Variants in BRIP1 observed in about 807,000 individuals in gnomAD.
BRIP1 encodes Fanconi anemia group J protein.
BRIP1 carries 88 observed loss-of-function variants against 119.7 expected under a neutral mutation model. That is an observed-to-expected ratio of 0.74 (90% CI 0.62 to 0.88). The LOEUF (loss-of-function observed/expected upper bound fraction) is 0.88, where lower values mean the gene tolerates loss of function less well. Among genes scored for constraint, BRIP1 ranks in the 40% least tolerant of loss-of-function variants. The pLI is 0.00. For missense variants in BRIP1, 1,259 were observed against 1,455.4 expected (o/e 0.87, Z 2.20); for synonymous variants, 443 against 496.5 (o/e 0.89, Z 1.43).
chr17:61,709,295 T>C lies in BRIP1; in HGVS notation c.2492+6656A>G, dbSNP rs1453454998. Among the ~76,000 whole-genome samples the C allele has an allele frequency of 6.6e-6, 1 of 152,204 alleles. No individual in the cohort carries two copies. Among genetic ancestry groups the C allele is most frequent in the Non-Finnish European group, 1.5e-5 (1 of 68,030 alleles). ...TTGATATCGCTTGTCTGTCACTGTC[T>C]CCTCTCTCTCTTTGTAATATTGTAG... is the stretch of plus-strand genomic sequence containing the variant. On this transcript the variant is annotated intron_variant, in intron 17 of 19. Transcript: ENST00000259008. This position sits in a 1 kb window ranked among gnomAD's most constrained non-coding sequence, Gnocchi z 5.0.
In BRIP1 at chr17:61,708,671, T is replaced by C. The variant is rs1482437327; in HGVS notation, c.2492+7280A>G. ...CTGTTTTTCATGTTACAGACTTTCT[T>C]TGACAATCTGGTGAAGACTCTGCAC... On this transcript the variant is annotated intron_variant, in intron 17 of 19. Coordinates refer to ENST00000259008, the MANE Select transcript of BRIP1 (RefSeq NM_032043.3). This position sits in a 1 kb window ranked among gnomAD's most constrained non-coding sequence, Gnocchi z 4.4. Among the ~76,000 whole-genome samples the C allele has an allele frequency of 6.6e-6, 1 of 152,222 alleles. No individual in the cohort carries two copies. Among genetic ancestry groups the C allele is most frequent in the Non-Finnish European group, 1.5e-5 (1 of 68,046 alleles).
At chr17:61,715,885 G>T in intron 17 of BRIP1, 66 bp downstream of exon 17, 1 of 1,059,680 alleles carries the variant, frequency 9.4e-7, no homozygotes, top group Non-Finnish European at 1.4e-6. Flanking sequence ...GAGTAAAGTA[G>T]CAAGACTAGA....
chr17:61,787,089 GT>G (rs1305349678), intron 10 of BRIP1, among the ~76,000 whole-genome samples: 4 of 108,326 alleles, frequency 3.7e-5, no homozygotes, highest in African/African-American at 1.5e-4. Context: ...TATATTGCAT[GT>G]TTATGTATTA....
intron 5 of BRIP1, 110 bp downstream of exon 5, chr17:61,849,019 G>A: frequency 8.6e-7 from 1 of 1,160,440 alleles, no homozygotes; most frequent in South Asian, 1.3e-5. Flanking sequence ...TTAATTTATG[G>A]CTGTCACATG....
At chr17:61,797,496 T>C (rs2145282090) in intron 9 of BRIP1, among the ~76,000 whole-genome samples, 1 of 152,024 alleles carries the variant, frequency 6.6e-6, no homozygotes, top group East Asian at 1.9e-4. Context: ...CGTAGAATTG[T>C]CCAGAGAGCA....
chr17:61,786,902 A>C, intron 10 of BRIP1, among the ~76,000 whole-genome samples: 1 of 90,392 alleles, frequency 1.1e-5, no homozygotes, highest in Non-Finnish European at 2.0e-5. Flanking sequence ...TATTTTATAT[A>C]TAATGTAAAT....
At chr17:61,801,185 G>A (rs2077984437) in intron 8 of BRIP1, 68 bp downstream of exon 8, 2 of 1,437,752 alleles carry the variant, frequency 1.4e-6, no homozygotes, top group African/African-American at 1.4e-5. Flanking sequence ...ACATCTAAAA[G>A]CTTTTACATT....
intron 3 of BRIP1, 41 bp downstream of exon 3, chr17:61,859,755 G>A: frequency 7.9e-7 from 1 of 1,273,470 alleles, no homozygotes; most frequent in Non-Finnish European, 1.2e-6. Context: ...TATTTTCTCA[G>A]ATCCCAGTAA....
rs2061616424 is a variant in BRIP1 at position 61,701,666 on chromosome 17, G to C, written c.2493-8154C>G. On this transcript the variant is annotated intron_variant, in intron 17 of 19. Transcript: ENST00000259008. The surrounding 1 kb of genome is among the most constrained non-coding windows in gnomAD (Gnocchi z 5.1). ...CCAGGAATATGTCAGAACTTTAAAA[G>C]CTCTCTATGGACATTGCATTCCTCA... Among the ~76,000 whole-genome samples the C allele has an allele frequency of 6.6e-6, 1 of 152,156 alleles. No individual in the cohort carries two copies. Among genetic ancestry groups the C allele is most frequent in the African/African-American group, 2.4e-5 (1 of 41,428 alleles).
rs1603343235 is a variant in BRIP1, at chr17:61,801,337, A to ATATG, written c.1052_1055dup (p.Tyr353IlefsTer12). The stretch of plus-strand genomic sequence containing the variant: ...CTTGTATTAGTTCTCGGGCTGTGTA[A>ATATG]TATGGACAGGCCTTTAGTTTCTTCC... On this transcript the variant is annotated frameshift_variant, in exon 8 of 20. Coordinates refer to ENST00000259008, the MANE Select transcript of BRIP1 (RefSeq NM_032043.3). LOFTEE classifies it high-confidence loss of function. 6.2e-7 allele frequency: 1 copy of ATATG among 1,614,070 alleles called. No homozygotes were observed. Among genetic ancestry groups the ATATG allele is most frequent in the Non-Finnish European group, 8.5e-7 (1 of 1,179,956 alleles).
chr17:61,775,326 T>C lies in BRIP1; in HGVS notation c.2097+1075A>G, dbSNP rs1017544001. On this transcript the variant is annotated intron_variant, in intron 14 of 19. Coordinates refer to ENST00000259008, the MANE Select transcript of BRIP1 (RefSeq NM_032043.3). The surrounding 1 kb of genome is among the most constrained non-coding windows in gnomAD (Gnocchi z 4.4). Reference sequence around the variant, plus strand: ...GTTTTTGAAAACAAATCCTTTAATTTATCTACAAGAGACTAATTGCTTTAG... The same window carrying C: ...GTTTTTGAAAACAAATCCTTTAATTCATCTACAAGAGACTAATTGCTTTAG... Among the ~76,000 whole-genome samples the C allele has an allele frequency of 3.3e-5, 5 of 152,206 alleles. No individual in the cohort carries two copies. Among genetic ancestry groups the C allele is most frequent in the African/African-American group, 1.2e-4 (5 of 41,464 alleles).
Position 61,693,444 on chromosome 17 carries a change from C to T in BRIP1, c.2561G>A (p.Ser854Asn), listed in dbSNP as rs2061477133. The change falls in exon 18 of 20, where the codon AGT (serine) becomes AAT (asparagine). Residue 854 changes from serine (S) to asparagine (N), a missense_variant. Transcript: ENST00000259008. The surrounding 1 kb of genome is among the most constrained non-coding windows in gnomAD (Gnocchi z 4.2). ...TGAGATCTTACCAGATATATAGCGA[C>T]TTGGGTTATTCCTAAAGCGATCATC... ...LVDDRFRNNP[S>N]RYISGLSKWV... is the part of the protein sequence containing the mutation. 1 of 1,613,262 alleles carries T rather than the reference C, an allele frequency of 6.2e-7. No homozygotes were observed. Among genetic ancestry groups the T allele is most frequent in the Non-Finnish European group, 8.5e-7 (1 of 1,179,288 alleles).
At chr17:61,792,450 T>G (rs1694759169) in intron 10 of BRIP1, among the ~76,000 whole-genome samples, 4 of 152,206 alleles carry the variant, frequency 2.6e-5, no homozygotes, top group Admixed American at 2.0e-4. Flanking sequence ...ATGGATAAAC[T>G]GTGGTACATC....
At position 61,779,375 on chromosome 17, in the gene BRIP1, G is replaced by A. The variant is rs377487761; in HGVS notation, c.1935+886C>T. Among the ~76,000 whole-genome samples, 110 of 152,232 alleles carry A rather than the reference G, an allele frequency of 7.2e-4. 2 individuals are homozygous for A. In the South Asian group the frequency reaches 0.023, roughly 31 times the overall value. On this transcript the variant is annotated intron_variant, in intron 13 of 19. Coordinates refer to ENST00000259008, the MANE Select transcript of BRIP1 (RefSeq NM_032043.3). ...GTGGACTGCCTGAGCCTGGGAGTTT[G>A]AAGCCAGCCTGGGCAACATAGCAAG...
rs1421305227 is a variant in BRIP1 at position 61,780,837 on chromosome 17, T to C, written c.1794+3A>G. ...AAAATTTCCATTTACATGATGAGCT[T>C]ACCACAGCTGGATTTAAGCACCAAA... On this transcript the variant is annotated splice_donor_region_variant and intron_variant, in intron 12 of 19. Coordinates refer to ENST00000259008, the MANE Select transcript of BRIP1 (RefSeq NM_032043.3). This position sits in a 1 kb window ranked among gnomAD's most constrained non-coding sequence, Gnocchi z 5.4. 1 of 1,613,956 alleles carries C rather than the reference T, an allele frequency of 6.2e-7. No homozygotes were observed. Among genetic ancestry groups the C allele is most frequent in the East Asian group, 2.2e-5 (1 of 44,876 alleles).
rs970589341 is a variant in BRIP1, at chr17:61,774,386, G to A, written c.2097+2015C>T. On this transcript the variant is annotated intron_variant, in intron 14 of 19. Transcript: ENST00000259008. The surrounding 1 kb of genome is among the most constrained non-coding windows in gnomAD (Gnocchi z 5.8). ...CACTCATAGGTGGGAATTGAACAAT[G>A]AGAACATGTGGACGCAGGGTAGGGA... Among the ~76,000 whole-genome samples the A allele has an allele frequency of 1.3e-5, 2 of 152,158 alleles. No individual in the cohort carries two copies. Among genetic ancestry groups the A allele is most frequent in the Non-Finnish European group, 2.9e-5 (2 of 68,034 alleles).
At chr17:61,797,290 A>G (rs1241252653) in intron 9 of BRIP1, among the ~76,000 whole-genome samples, 1 of 151,894 alleles carries the variant, frequency 6.6e-6, no homozygotes, top group Admixed American at 6.6e-5. Flanking sequence ...AATAAGAATT[A>G]TCAAAAGAAA....
In BRIP1 at chr17:61,726,874, A is replaced by G. The variant is rs1232168330; in HGVS notation, c.2380-10811T>C. Among the ~76,000 whole-genome samples, 1 of 152,226 alleles carries G rather than the reference A, an allele frequency of 6.6e-6. No homozygotes were observed. Among genetic ancestry groups the G allele is most frequent in the Non-Finnish European group, 1.5e-5 (1 of 68,048 alleles). On this transcript the variant is annotated intron_variant, in intron 16 of 19. Coordinates refer to ENST00000259008, the MANE Select transcript of BRIP1 (RefSeq NM_032043.3). This position sits in a 1 kb window ranked among gnomAD's most constrained non-coding sequence, Gnocchi z 6.2. ...AGAATGAGTGCATGATTGGTACCAT[A>G]TTAGTCTAAATATTATTTTATTCAA...
rs2077282347 is a variant in BRIP1, at chr17:61,761,916, T to C, written c.2097+14485A>G. Among the ~76,000 whole-genome samples the C allele has an allele frequency of 6.6e-6, 1 of 152,002 alleles. No homozygotes were observed. The highest frequency in any genetic ancestry group is 1.5e-5 in the Non-Finnish European group (1 of 67,984). ...AGAAATAGAAAAAAGAATCCTAAAT[T>C]TCATATAGAGCCACAAGAAGCTTTG... On this transcript the variant is annotated intron_variant, in intron 14 of 19. Coordinates refer to ENST00000259008, the MANE Select transcript of BRIP1 (RefSeq NM_032043.3). The surrounding 1 kb of genome is among the most constrained non-coding windows in gnomAD (Gnocchi z 6.4).
Sources: allele counts gnomAD v4.1 joint callset (sites outside exome capture counted in the v4.1 genomes callset), GRCh38; gene constraint gnomAD v4.1.1; non-coding constraint Gnocchi (gnomAD v3.1); transcripts MANE v1.5; gene names NCBI Gene and HGNC (gene_info 2026-07-23, HGNC 2026-07-21).